Variants in PPP2R5E observed in about 807,000 individuals in gnomAD.
PPP2R5E encodes the protein serine/threonine-protein phosphatase 2A 56 kDa regulatory subunit epsilon isoform.
In PPP2R5E, 4 loss-of-function variants were observed where a neutral mutation model predicts 65.3. The observed-to-expected ratio is 0.06, with a 90% CI of 0.03 to 0.14. PPP2R5E has a LOEUF of 0.14. Among genes scored for constraint, PPP2R5E ranks in the 10% least tolerant of loss-of-function variants. The pLI is 1.00. For missense variants in PPP2R5E, 274 were observed against 556.1 expected (o/e 0.49, Z 5.10); for synonymous variants, 183 against 187.4 (o/e 0.98, Z 0.19).
intron 4 of PPP2R5E, among the ~76,000 whole-genome samples, chr14:63,419,485 A>C (rs1594852980): frequency 6.6e-6 from 1 of 152,206 alleles, no homozygotes; most frequent in Non-Finnish European, 1.5e-5. Context: ...GAAAAGAAAA[A>C]GAGACTTCTT....
chr14:63,484,345 TCTCACACACACA>T (rs1890871700), intron 2 of PPP2R5E, among the ~76,000 whole-genome samples: 1 of 124,264 alleles, frequency 8.0e-6, no homozygotes, highest in Non-Finnish European at 1.7e-5. Flanking sequence ...TCTCTCTCTC[TCTCACACACACA>T]CACACACACA....
intron 5 of PPP2R5E, among the ~76,000 whole-genome samples, chr14:63,401,633 G>T (rs1331046214): frequency 6.6e-6 from 1 of 152,182 alleles, no homozygotes; most frequent in African/African-American, 2.4e-5. Context: ...TAGGCAGGGG[G>T]ATTGAACCTC....
chr14:63,421,048 G>A (rs1269149290), intron 4 of PPP2R5E, among the ~76,000 whole-genome samples: 9 of 73,470 alleles, frequency 1.2e-4, no homozygotes, highest in South Asian at 6.1e-4. Context: ...GCGAGACTCC[G>A]TCTCAAAAAA....
At chr14:63,526,835 A>T (rs1893202744) in intron 2 of PPP2R5E, among the ~76,000 whole-genome samples, 1 of 152,198 alleles carries the variant, frequency 6.6e-6, no homozygotes. Context: ...AGGTAGGATT[A>T]CAGGTGTGAG....
At chr14:63,507,870 A>G (rs1475395827) in intron 2 of PPP2R5E, among the ~76,000 whole-genome samples, 1 of 152,134 alleles carries the variant, frequency 6.6e-6, no homozygotes, top group Non-Finnish European at 1.5e-5. Context: ...GAGCCACCGC[A>G]ACCGGCCCCA....
At chr14:63,385,936 G>T (rs1884641125) in intron 11 of PPP2R5E, among the ~76,000 whole-genome samples, 1 of 152,062 alleles carries the variant, frequency 6.6e-6, no homozygotes, top group Non-Finnish European at 1.5e-5. Context: ...GCTATCAACT[G>T]GCTCTAATTT....
At chr14:63,519,008 C>T (rs550756481) in intron 2 of PPP2R5E, among the ~76,000 whole-genome samples, 2 of 152,274 alleles carry the variant, frequency 1.3e-5, no homozygotes, top group Admixed American at 6.5e-5. Flanking sequence ...CATCTGAGGT[C>T]GGGAGTTCGA....
At chr14:63,453,305 A>G (rs1215222789) in intron 3 of PPP2R5E, 1 of 156,784 alleles carries the variant, frequency 6.4e-6, no homozygotes, top group Non-Finnish European at 1.4e-5. Flanking sequence ...CATTTCTAAT[A>G]TACCACAATG....
In PPP2R5E at chr14:63,384,452, A is replaced by G. The variant is rs150661526; in HGVS notation, c.1194T>C (p.His398=). Residue 398 remains histidine, a synonymous_variant, in exon 12 of 14, where the codon CAT becomes CAC. Coordinates refer to ENST00000337537, the MANE Select transcript of PPP2R5E (RefSeq NM_006246.5). ...AGAAACTGAAAACCTACGGATTCCA[A>G]TGTTCTTTTGAAATCCTATAAAGGC... ...FSSLYRISKE[H]WNPAIVALVY... 693 of 1,613,060 alleles carry G rather than the reference A, an allele frequency of 4.3e-4. No individual in the cohort carries two copies. The highest frequency in any genetic ancestry group is 5.2e-4 in the Non-Finnish European group (619 of 1,179,740).
At chr14:63,482,250 A>G (rs1890740675) in intron 2 of PPP2R5E, among the ~76,000 whole-genome samples, 1 of 152,188 alleles carries the variant, frequency 6.6e-6, no homozygotes. Flanking sequence ...AGATCACCTG[A>G]GGTCAGGAGT....
At chr14:63,426,371 A>G (rs1355261727) in intron 3 of PPP2R5E, among the ~76,000 whole-genome samples, 3 of 152,078 alleles carry the variant, frequency 2.0e-5, no homozygotes, top group Non-Finnish European at 4.4e-5. Flanking sequence ...AACTCAGTGG[A>G]ATATTGTGCA....
At chr14:63,385,775 G>C (rs1414223054) in intron 11 of PPP2R5E, among the ~76,000 whole-genome samples, 1 of 152,140 alleles carries the variant, frequency 6.6e-6, no homozygotes, top group Non-Finnish European at 1.5e-5. Flanking sequence ...ATATGGTAAA[G>C]ACTGGGGCCT....
At chr14:63,443,707 C>T (rs1357483260) in intron 3 of PPP2R5E, among the ~76,000 whole-genome samples, 1 of 152,058 alleles carries the variant, frequency 6.6e-6, no homozygotes. Context: ...ATTAACTCAT[C>T]GAAAACCAAC....
At chr14:63,404,970 CA>C (rs1387144229) in intron 5 of PPP2R5E, among the ~76,000 whole-genome samples, 1 of 152,026 alleles carries the variant, frequency 6.6e-6, no homozygotes, top group African/African-American at 2.4e-5. Flanking sequence ...GGTCCCTGCT[CA>C]AAAAGTATTA....
intron 2 of PPP2R5E, among the ~76,000 whole-genome samples, chr14:63,512,689 T>C (rs143564841): frequency 2.6e-5 from 4 of 152,332 alleles, no homozygotes; most frequent in African/African-American, 9.6e-5. Flanking sequence ...AAATTACTTG[T>C]TGTTACTTAT....
At chr14:63,412,836 T>C (rs991786657) in intron 5 of PPP2R5E, among the ~76,000 whole-genome samples, 10 of 152,182 alleles carry the variant, frequency 6.6e-5, no homozygotes, top group Non-Finnish European at 1.5e-5. Context: ...ACTTACTATG[T>C]ATGAGGCTAT....
At chr14:63,377,702 T>G (rs549050379) in intron 13 of PPP2R5E, among the ~76,000 whole-genome samples, 1 of 152,310 alleles carries the variant, frequency 6.6e-6, no homozygotes, top group Non-Finnish European at 1.5e-5. Context: ...CATAATTAGT[T>G]TCAGCTATCT....
intron 4 of PPP2R5E, among the ~76,000 whole-genome samples, chr14:63,416,321 T>A (rs1474460847): frequency 2.6e-5 from 4 of 152,226 alleles, no homozygotes; most frequent in African/African-American, 9.7e-5. Context: ...CAGAACTTTT[T>A]AAACCATGAA....
intron 3 of PPP2R5E, among the ~76,000 whole-genome samples, chr14:63,438,435 T>C (rs540668579): frequency 6.6e-6 from 1 of 152,328 alleles, no homozygotes; most frequent in East Asian, 1.9e-4. Context: ...CCCAGAAGCA[T>C]TGCTTATACC....
Sources: allele counts gnomAD v4.1 joint callset (sites outside exome capture counted in the v4.1 genomes callset), GRCh38; gene constraint gnomAD v4.1.1; transcripts MANE v1.5; gene names NCBI Gene and HGNC (gene_info 2026-07-23, HGNC 2026-07-21).